Variants in STAU1 observed in about 807,000 individuals in gnomAD.
STAU1 encodes staufen double-stranded RNA binding protein 1, also known as double-stranded RNA-binding protein Staufen homolog 1.
In STAU1, 13 loss-of-function variants were observed where a neutral mutation model predicts 62.9. That is an observed-to-expected ratio of 0.21 (90% CI 0.13 to 0.33). The LOEUF (loss-of-function observed/expected upper bound fraction) is 0.33. STAU1 is among the 10% of genes least tolerant of loss of function. The pLI is 1.00. For synonymous variants in STAU1, 269 were observed against 265.1 expected, an observed-to-expected ratio of 1.01 and a Z score of -0.14; for missense variants, 571 against 712.1, an observed-to-expected ratio of 0.80 and a Z score of 2.25.
the STAU1 span, among the ~76,000 whole-genome samples, chr20:49,216,066 GA>G: frequency 8.1e-6 from 1 of 123,196 alleles, no homozygotes; most frequent in Non-Finnish European, 1.8e-5. Context: ...AAGAAGAAGA[GA>G]AAAAGAAGAA....
chr20:49,123,768 G>A (rs2092525259), intron 7 of STAU1, among the ~76,000 whole-genome samples: 1 of 152,108 alleles, frequency 6.6e-6, no homozygotes, highest in South Asian at 2.1e-4. Context: ...AGCAAAAAAG[G>A]GAAACAAAAG....
chr20:49,171,326 G>A (rs757729982), intron 2 of STAU1, among the ~76,000 whole-genome samples: 23 of 152,210 alleles, frequency 1.5e-4, no homozygotes, highest in Middle Eastern at 3.4e-3. Flanking sequence ...ACGGAGTCTC[G>A]CTCTGTTGCC....
At chr20:49,177,924 T>C (rs904913092) in intron 1 of STAU1, among the ~76,000 whole-genome samples, 1 of 152,152 alleles carries the variant, frequency 6.6e-6, no homozygotes, top group African/African-American at 2.4e-5. Flanking sequence ...CTCACGCCTG[T>C]AATCCCAACA....
At chr20:49,205,082 C>G in the STAU1 span, among the ~76,000 whole-genome samples, 1 of 152,106 alleles carries the variant, frequency 6.6e-6, no homozygotes, top group Non-Finnish European at 1.5e-5. Context: ...AACAAGATAG[C>G]CCCTGTTGGC....
At chr20:49,138,911 C>T (rs939051067) in intron 5 of STAU1, among the ~76,000 whole-genome samples, 1 of 152,038 alleles carries the variant, frequency 6.6e-6, no homozygotes, top group Non-Finnish European at 1.5e-5. Flanking sequence ...TGGAGTTCTA[C>T]AGAGGTTTGG....
intron 3 of STAU1, among the ~76,000 whole-genome samples, chr20:49,162,893 T>C (rs1026775939): frequency 1.3e-4 from 19 of 151,504 alleles, no homozygotes; most frequent in Admixed American, 2.0e-4. Context: ...AACTCTGGTA[T>C]AGAAATACCC....
chr20:49,120,623 TTAA>T (rs2145849588), intron 8 of STAU1, among the ~76,000 whole-genome samples: 1 of 152,292 alleles, frequency 6.6e-6, no homozygotes, highest in African/African-American at 2.4e-5. Flanking sequence ...GATGAAAAGG[TTAA>T]TAAAGCAGGT....
intron 6 of STAU1, chr20:49,134,614 C>T (rs2092832627): frequency 7.8e-7 from 1 of 1,284,732 alleles, no homozygotes; most frequent in East Asian, 2.3e-5. Flanking sequence ...TGGATGAAGC[C>T]AACTATTACT....
At chr20:49,196,199 G>A in the STAU1 span, among the ~76,000 whole-genome samples, 3 of 151,446 alleles carry the variant, frequency 2.0e-5, no homozygotes, top group Non-Finnish European at 2.9e-5. Context: ...CACATTGGGA[G>A]GCCGAGGCGG....
chr20:49,205,599 C>T, the STAU1 span, among the ~76,000 whole-genome samples: 4 of 151,018 alleles, frequency 2.6e-5, no homozygotes, highest in Admixed American at 6.6e-5. Flanking sequence ...CTTCTGACCT[C>T]GTGATCCACC....
intron 2 of STAU1, among the ~76,000 whole-genome samples, chr20:49,170,787 A>G (rs1012143872): frequency 3.5e-4 from 51 of 144,602 alleles, no homozygotes; most frequent in East Asian, 1.8e-3. Context: ...GTGTCTGGGA[A>G]AAAAAAAAAA....
At chr20:49,118,830 A>G (rs1013367958) in intron 9 of STAU1, among the ~76,000 whole-genome samples, 1 of 152,254 alleles carries the variant, frequency 6.6e-6, no homozygotes, top group Non-Finnish European at 1.5e-5. Flanking sequence ...AAATAAGGTG[A>G]CATTCCAAAA....
At chr20:49,151,775 TAC>T in intron 4 of STAU1, 28 bp from the exon 5 acceptor site, 1 of 1,596,562 alleles carries the variant, frequency 6.3e-7, no homozygotes, top group South Asian at 1.1e-5. Context: ...TTAGGCAAAT[TAC>T]AGTCTCAAGT....
the STAU1 span, among the ~76,000 whole-genome samples, chr20:49,203,574 A>G: frequency 6.6e-6 from 1 of 152,192 alleles, no homozygotes; most frequent in South Asian, 2.1e-4. Flanking sequence ...AAGCTTGGGG[A>G]TAAGAGAAGA....
the STAU1 span, among the ~76,000 whole-genome samples, chr20:49,200,048 T>C: frequency 3.9e-5 from 6 of 152,326 alleles, no homozygotes; most frequent in Admixed American, 2.6e-4. Context: ...TGCAAAATGG[T>C]ACAGCCACCT....
At chr20:49,122,826 A>G (rs1050910429) in intron 8 of STAU1, among the ~76,000 whole-genome samples, 1 of 152,178 alleles carries the variant, frequency 6.6e-6, no homozygotes, top group African/African-American at 2.4e-5. Context: ...CTGAGGCAGG[A>G]GAATCGCTTC....
intron 2 of STAU1, among the ~76,000 whole-genome samples, chr20:49,170,033 A>G (rs2093576989): frequency 6.6e-6 from 1 of 152,170 alleles, no homozygotes; most frequent in Non-Finnish European, 1.5e-5. Context: ...AATAGTTTCT[A>G]TGGGTTGTGG....
intron 2 of STAU1, among the ~76,000 whole-genome samples, chr20:49,173,597 CA>C (rs149063445): frequency 0.043 from 6,603 of 152,288 alleles, 470 homozygotes; most frequent in African/African-American, 0.15. Flanking sequence ...ATTACTACCT[CA>C]GAGATATGGT....
At chr20:49,116,052 A>G (rs1022055797) in intron 12 of STAU1, among the ~76,000 whole-genome samples, 185 bp from the exon 13 acceptor site, 4 of 152,180 alleles carry the variant, frequency 2.6e-5, no homozygotes, top group African/African-American at 9.7e-5. Context: ...ATATTCAGTT[A>G]CCTCACTGAA....
Sources: gnomAD v4.1 joint callset for allele counts (sites outside exome capture counted in the v4.1 genomes callset) on GRCh38, gnomAD v4.1.1 for gene constraint, MANE v1.5 for transcripts, NCBI Gene and HGNC (gene_info 2026-07-23, HGNC 2026-07-21) for gene names.